KCNN4: variants seen among roughly 807,000 people sequenced by gnomAD.
The protein encoded by KCNN4 is potassium calcium-activated channel subfamily N member 4.
Under a neutral mutation model 45.2 loss-of-function variants are expected in KCNN4, and 31 were observed. The observed-to-expected ratio is 0.69, with a 90% CI of 0.52 to 0.92. The LOEUF is 0.92. Among genes scored for constraint, KCNN4 ranks in the 40% least tolerant of loss-of-function variants. The pLI is 0.00. For synonymous variants in KCNN4, 231 were observed against 254.6 expected, an observed-to-expected ratio of 0.91 and a Z score of 0.88; for missense variants, 463 against 574.0, an observed-to-expected ratio of 0.81 and a Z score of 1.98.
chr19:43,776,759 T>A (rs1373921316), intron 1 of KCNN4, 123 bp from the exon 2 acceptor site: 1 of 672,234 alleles, frequency 1.5e-6, no homozygotes, highest in Admixed American at 2.3e-5. Context: ...CTCCTTCCCC[T>A]GCAAATCAGT....
At position 43,767,564 on chromosome 19, in the gene KCNN4, T is replaced by C. The variant is rs1026763923; in HGVS notation, c.1263A>G (p.Glu421=). The change falls in exon 8 of 9, where the codon GAA becomes GAG. Residue 421 remains glutamate (E), a synonymous_variant. Coordinates refer to ENST00000648319, the MANE Select transcript of KCNN4 (RefSeq NM_002250.3). ...CCAGCTACTTGGACTGCTGGCTGGG[T>C]TCTGGAAGCTGCCTCGGCCCCAGGG... ...STALGPRQLP[E]PSQQSK The C allele has an allele frequency of 1.9e-6, 3 of 1,613,868 alleles. No homozygotes were observed. The highest frequency in any genetic ancestry group is 1.7e-5 in the Admixed American group (1 of 60,004).
chr19:43,776,472 G>T, intron 2 of KCNN4, 69 bp downstream of exon 2: 1 of 1,067,914 alleles, frequency 9.4e-7, no homozygotes, highest in Non-Finnish European at 1.5e-6. Flanking sequence ...GAGGAGGGTG[G>T]AAAGTGTGAG....
At chr19:43,776,501 G>T in intron 2 of KCNN4, 40 bp downstream of exon 2, 3 of 1,351,732 alleles carry the variant, frequency 2.2e-6, no homozygotes, top group Non-Finnish European at 3.2e-6. Flanking sequence ...GCGCTGAGGG[G>T]GTTGGAGGGA....
chr19:43,767,510 G>T (rs748043677), intron 8 of KCNN4, 30 bp downstream of exon 8: 2 of 1,604,402 alleles, frequency 1.2e-6, no homozygotes, highest in Admixed American at 3.4e-5. Context: ...CCTCCAGGAT[G>T]CCTTCCTGCC....
Position 43,774,157 on chromosome 19 carries a change from TC to T in KCNN4, c.683+34del, listed in dbSNP as rs770471575. On this transcript the variant is annotated intron_variant, in intron 3 of 8. Transcript: ENST00000648319. The surrounding 1 kb of genome is among the most constrained non-coding windows in gnomAD (Gnocchi z 5.6). ...GACGGCCGCCGTGGCTGTCCGGGGT[TC>T]CCCCCTGCGCATTTATGCCTCCATC... The T allele has an allele frequency of 3.2e-6, 5 of 1,576,660 alleles. No individual in the cohort carries two copies. Among genetic ancestry groups the T allele is most frequent in the East Asian group, 4.6e-5 (2 of 43,654 alleles).
intron 2 of KCNN4, among the ~76,000 whole-genome samples, chr19:43,775,277 A>C (rs1969767978): frequency 6.6e-6 from 1 of 152,228 alleles, no homozygotes. Context: ...CAGTGAGCTG[A>C]GGTCATGCCA....
intron 1 of KCNN4, among the ~76,000 whole-genome samples, chr19:43,777,330 T>TGTGTGG (rs1969842419): frequency 6.6e-6 from 1 of 151,244 alleles, no homozygotes; most frequent in African/African-American, 2.4e-5. Context: ...TGTGTGGGTG[T>TGTGTGG]GTGTGTGTGG....
chr19:43,768,754 A>C (rs1460020162), intron 7 of KCNN4, among the ~76,000 whole-genome samples: 3 of 150,396 alleles, frequency 2.0e-5, no homozygotes, highest in African/African-American at 7.3e-5. Context: ...TTTTTTTTTC[A>C]GTTTGTAAGG....
rs750617291 is a variant in KCNN4, at chr19:43,774,160, C to A, written c.683+32G>T. 4 of 1,582,792 alleles carry A rather than the reference C, an allele frequency of 2.5e-6. No individual in the cohort carries two copies. Among genetic ancestry groups the A allele is most frequent in the East Asian group, 2.3e-5 (1 of 43,830 alleles). On this transcript the variant is annotated intron_variant, in intron 3 of 8. Coordinates refer to ENST00000648319, the MANE Select transcript of KCNN4 (RefSeq NM_002250.3). The surrounding 1 kb of genome is among the most constrained non-coding windows in gnomAD (Gnocchi z 5.6). The stretch of plus-strand genomic sequence containing the variant: ...GGCCGCCGTGGCTGTCCGGGGTTCC[C>A]CCCTGCGCATTTATGCCTCCATCAC...
chr19:43,776,394 T>C (rs1969805426), intron 2 of KCNN4, 147 bp downstream of exon 2: 1 of 635,986 alleles, frequency 1.6e-6, no homozygotes, highest in Non-Finnish European at 2.9e-6. Context: ...GTTCATCCCA[T>C]CTGGGTAGGT....
rs151100799 is a variant in KCNN4, at chr19:43,773,956, T to A, written c.683+236A>T. Among the ~76,000 whole-genome samples, 91 of 152,034 alleles carry A rather than the reference T, an allele frequency of 6.0e-4. 1 individual carries two copies. In the East Asian group the frequency reaches 0.013, roughly 21 times the overall value. On this transcript the variant is annotated intron_variant, in intron 3 of 8. Coordinates refer to ENST00000648319, the MANE Select transcript of KCNN4 (RefSeq NM_002250.3). ...GGGCTTTCTAGGGTCTGTGTGTGCG[T>A]TTGGGGAGACTGAAGGCTGCAGGTG...
chr19:43,770,536 A>G (rs1335268320), intron 4 of KCNN4, among the ~76,000 whole-genome samples: 5 of 152,156 alleles, frequency 3.3e-5, no homozygotes, highest in Non-Finnish European at 5.9e-5. Flanking sequence ...AAGCATCCCC[A>G]ACCCTATAGT....
Position 43,774,389 on chromosome 19 carries a change from C to T in KCNN4, c.486G>A (p.Leu162=), listed in dbSNP as rs773724529. ...LSLAMLLRLY[L]VPRAVLLRSG... ...TGCGCAGGAGCACGGCGCGGGGCAC[C>T]AGGTAGAGACGCAGCAGCATGGCCA... is the stretch of plus-strand genomic sequence containing the variant. Residue 162 remains leucine (L), a synonymous_variant, in exon 3 of 9, where the codon CTG becomes CTA. Transcript: ENST00000648319. The surrounding 1 kb of genome is among the most constrained non-coding windows in gnomAD (Gnocchi z 5.6). 3.7e-6 allele frequency: 6 copies of T among 1,602,134 alleles called. No individual in the cohort carries two copies. In the East Asian group the frequency reaches 1.1e-4, roughly 30 times the overall value.
At chr19:43,775,205 T>C (rs1315901614) in intron 2 of KCNN4, among the ~76,000 whole-genome samples, 3 of 152,160 alleles carry the variant, frequency 2.0e-5, no homozygotes, top group Non-Finnish European at 2.9e-5. Context: ...CGCACACCTA[T>C]AGTCCCAGCT....
chr19:43,769,860 G>T lies in KCNN4; in HGVS notation c.820-31C>A. On this transcript the variant is annotated intron_variant, in intron 4 of 8. Coordinates refer to ENST00000648319, the MANE Select transcript of KCNN4 (RefSeq NM_002250.3). This position sits in a 1 kb window ranked among gnomAD's most constrained non-coding sequence, Gnocchi z 4.4. ...GGCACAGCAGGCACCGTGGCATGAG[G>T]CTGTGCCACCGACTCCCTCCTTGAA... 1.3e-6 allele frequency: 2 copies of T among 1,518,436 alleles called. No homozygotes were observed. The highest frequency in any genetic ancestry group is 2.7e-5 in the African/African-American group (2 of 73,166). The allele number at this position is 1,518,436 out of a possible 1,614,324, so 94.1% of individuals were successfully genotyped here.
rs4802198 is a variant in KCNN4, at chr19:43,771,748, T to C, written c.819+252A>G. ...CCACCCAGGCTGGAGTGCAGCAGTA[T>C]GATCATAGCTCACTGTACCCTCAAA... On this transcript the variant is annotated intron_variant, in intron 4 of 8. Coordinates refer to ENST00000648319, the MANE Select transcript of KCNN4 (RefSeq NM_002250.3). Among the ~76,000 whole-genome samples the C allele has an allele frequency of 0.85, 129,739 of 152,090 alleles. 55,486 individuals carry two copies. The highest frequency in any genetic ancestry group is 0.96 in the East Asian group (4,948 of 5,166).
chr19:43,780,928 G>A lies in KCNN4; in HGVS notation c.-67C>T, dbSNP rs543519636. The stretch of plus-strand genomic sequence containing the variant: ...GTCCCCCACCTCGCAGCACGCACAG[G>A]GCAGCCACTGTGGCTTGCAGGTCGT... On this transcript the variant is annotated 5_prime_UTR_variant, in exon 1 of 9. Coordinates refer to ENST00000648319, the MANE Select transcript of KCNN4 (RefSeq NM_002250.3). The A allele has an allele frequency of 6.6e-6, 10 of 1,526,354 alleles. No homozygotes were observed. In the African/African-American group the frequency reaches 1.4e-4, roughly 21 times the overall value. The allele number at this position is 1,526,354 out of a possible 1,614,324, so 94.6% of individuals were successfully genotyped here.
chr19:43,778,142 C>G (rs1294034365), intron 1 of KCNN4, among the ~76,000 whole-genome samples: 1 of 152,228 alleles, frequency 6.6e-6, no homozygotes, highest in Non-Finnish European at 1.5e-5. Context: ...AATCCCGGAC[C>G]TGTCTGCACT....
Position 43,780,497 on chromosome 19 carries a change from C to CCTCCCTCAGACCCACG in KCNN4, c.159+205_159+206insCGTGGGTCTGAGGGAG, listed in dbSNP as rs1568396955. Among the ~76,000 whole-genome samples the CCTCCCTCAGACCCACG allele has an allele frequency of 3.3e-4, 41 of 123,348 alleles. 1 individual carries two copies. The highest frequency in any genetic ancestry group is 1.2e-3 in the African/African-American group (37 of 31,822). The allele number at this position is 123,348 out of a possible 152,430, so 80.9% of individuals were successfully genotyped here. On this transcript the variant is annotated intron_variant, in intron 1 of 8. Coordinates refer to ENST00000648319, the MANE Select transcript of KCNN4 (RefSeq NM_002250.3). ...CCTCAGACCCAGGAGTCCAGGCCCT[C>CCTCCCTCAGACCCACG]AGTCCCTCCTCCCTCAGACCCAGGA...
Sources: allele counts gnomAD v4.1 joint callset (sites outside exome capture counted in the v4.1 genomes callset), GRCh38; gene constraint gnomAD v4.1.1; non-coding constraint Gnocchi (gnomAD v3.1); transcripts MANE v1.5; gene names NCBI Gene and HGNC (gene_info 2026-07-23, HGNC 2026-07-21).